Variants in CTNND2 observed in about 807,000 individuals in gnomAD.
CTNND2 encodes catenin delta-2.
A neutral mutation model predicts 144.4 loss-of-function variants in CTNND2; 22 were observed. That is an observed-to-expected ratio of 0.15 (90% CI 0.11 to 0.22). The LOEUF (loss-of-function observed/expected upper bound fraction) is 0.22. Among genes scored for constraint, CTNND2 ranks in the 10% least tolerant of loss-of-function variants. CTNND2 has a pLI of 1.00. For synonymous variants in CTNND2, 751 were observed against 695.6 expected (o/e 1.08, Z -1.25); for missense variants, 1,353 against 1,618.8 (o/e 0.84, Z 2.82).
chr5:11,146,676 T>G (rs1358567791), intron 12 of CTNND2, among the ~76,000 whole-genome samples: 1 of 152,150 alleles, frequency 6.6e-6, no homozygotes. Flanking sequence ...GATGAGGTGG[T>G]TGAGGAATTC....
At chr5:11,093,019 G>A (rs1750929378) in intron 15 of CTNND2, among the ~76,000 whole-genome samples, 1 of 152,198 alleles carries the variant, frequency 6.6e-6, no homozygotes. Context: ...CACGGCCAGA[G>A]ATTCTGTTTC....
At chr5:11,718,763 G>A (rs759149800) in intron 2 of CTNND2, among the ~76,000 whole-genome samples, 1 of 152,144 alleles carries the variant, frequency 6.6e-6, no homozygotes, top group Non-Finnish European at 1.5e-5. Context: ...ACCATCTCAT[G>A]TAATAATCTG....
intron 2 of CTNND2, among the ~76,000 whole-genome samples, chr5:11,627,214 T>C (rs1781203890): frequency 6.6e-6 from 1 of 152,194 alleles, no homozygotes; most frequent in South Asian, 2.1e-4. Flanking sequence ...CTGAGAGGGC[T>C]AGTGGTAGTG....
intron 9 of CTNND2, among the ~76,000 whole-genome samples, chr5:11,258,712 G>A (rs1744540595): frequency 6.6e-6 from 1 of 152,138 alleles, no homozygotes; most frequent in African/African-American, 2.4e-5. Context: ...GTTTTTCTGA[G>A]ATTGCAGAAT....
At chr5:11,704,571 A>G (rs1289700359) in intron 2 of CTNND2, among the ~76,000 whole-genome samples, 3 of 152,108 alleles carry the variant, frequency 2.0e-5, no homozygotes, top group Non-Finnish European at 2.9e-5. Flanking sequence ...AGCAAACATT[A>G]GTTGAGGCCA....
Position 11,294,830 on chromosome 5 carries a change from C to A in CTNND2, c.1628+51542G>T, listed in dbSNP as rs189111696. ...ATAAAGTAGGTACTGATGGACGTATCTCAAAATAATAAGAGCTATCTATGA... is the reference window on the plus strand; with the variant it reads ...ATAAAGTAGGTACTGATGGACGTATATCAAAATAATAAGAGCTATCTATGA... On this transcript the variant is annotated intron_variant, in intron 9 of 21. Transcript: ENST00000304623. Among the ~76,000 whole-genome samples, 259 of 152,256 alleles carry A rather than the reference C, an allele frequency of 1.7e-3. 1 individual carries two copies. Among genetic ancestry groups the A allele is most frequent in the African/African-American group, 6.1e-3 (252 of 41,550 alleles).
chr5:11,428,151 A>G (rs1385227474), intron 3 of CTNND2, among the ~76,000 whole-genome samples: 2 of 152,158 alleles, frequency 1.3e-5, no homozygotes, highest in African/African-American at 2.4e-5. Flanking sequence ...TCTGGGAGAC[A>G]CAATTCAAGT....
intron 1 of CTNND2, among the ~76,000 whole-genome samples, chr5:11,876,717 C>A (rs1735597123): frequency 6.6e-6 from 1 of 152,106 alleles, no homozygotes; most frequent in African/African-American, 2.4e-5. Context: ...AAAAGGTGTT[C>A]AAAGCTAGCA....
chr5:11,650,495 G>A (rs1246671653), intron 2 of CTNND2, among the ~76,000 whole-genome samples: 2 of 152,222 alleles, frequency 1.3e-5, no homozygotes, highest in African/African-American at 2.4e-5. Flanking sequence ...CTTTGGAACT[G>A]GATAATGGGC....
intron 9 of CTNND2, among the ~76,000 whole-genome samples, chr5:11,251,642 A>T (rs1743668957): frequency 6.6e-6 from 1 of 152,234 alleles, no homozygotes; most frequent in Admixed American, 6.5e-5. Flanking sequence ...GAGCAAACGA[A>T]TCGTCCTCAC....
At chr5:11,826,230 C>T (rs1289044033) in intron 1 of CTNND2, among the ~76,000 whole-genome samples, 1 of 151,970 alleles carries the variant, frequency 6.6e-6, no homozygotes, top group Non-Finnish European at 1.5e-5. Flanking sequence ...CAAAATTATA[C>T]TATTGTAACT....
At chr5:11,153,622 T>C (rs570455779) in intron 12 of CTNND2, among the ~76,000 whole-genome samples, 1 of 152,278 alleles carries the variant, frequency 6.6e-6, no homozygotes, top group South Asian at 2.1e-4. Context: ...TGGGTTAAAA[T>C]GACTAATTGA....
At chr5:11,810,630 G>C (rs10036080) in intron 1 of CTNND2, among the ~76,000 whole-genome samples, 15,174 of 152,072 alleles carry the variant, frequency 0.1, 1,791 homozygotes, top group African/African-American at 0.28. Context: ...TCATTATCTT[G>C]AAAAACAACT....
intron 9 of CTNND2, among the ~76,000 whole-genome samples, chr5:11,311,929 C>A (rs258624): frequency 0.71 from 78,492 of 111,306 alleles, 26,067 homozygotes; most frequent in African/African-American, 0.78. Context: ...TCCTCGCCCC[C>A]CACACACACT....
intron 3 of CTNND2, among the ~76,000 whole-genome samples, chr5:11,528,741 A>C (rs1357457345): frequency 1.3e-5 from 2 of 152,258 alleles, no homozygotes; most frequent in Non-Finnish European, 2.9e-5. Flanking sequence ...TACACCCTGG[A>C]GTCTGAACCA....
chr5:11,183,057 T>C (rs1318304857), intron 11 of CTNND2, among the ~76,000 whole-genome samples: 1 of 152,222 alleles, frequency 6.6e-6, no homozygotes, highest in African/African-American at 2.4e-5. Context: ...CACCTGATCA[T>C]TTCCTTCTTT....
intron 9 of CTNND2, among the ~76,000 whole-genome samples, chr5:11,336,266 G>C (rs1008900009): frequency 2.0e-5 from 3 of 152,118 alleles, no homozygotes; most frequent in African/African-American, 7.2e-5. Context: ...TAACCTGGAC[G>C]CTCTCCACTG....
At chr5:11,375,370 C>T (rs1342473825) in intron 7 of CTNND2, among the ~76,000 whole-genome samples, 5 of 152,200 alleles carry the variant, frequency 3.3e-5, no homozygotes, top group Non-Finnish European at 4.4e-5. Flanking sequence ...TATTTTACAA[C>T]TTCTCTATAT....
At chr5:11,493,565 G>T (rs1461556503) in intron 3 of CTNND2, among the ~76,000 whole-genome samples, 1 of 152,154 alleles carries the variant, frequency 6.6e-6, no homozygotes, top group Non-Finnish European at 1.5e-5. Context: ...CAAAACACAG[G>T]CAAGCACAAT....
Sources: gnomAD v4.1 joint callset for allele counts (sites outside exome capture counted in the v4.1 genomes callset) on GRCh38, gnomAD v4.1.1 for gene constraint, MANE v1.5 for transcripts, NCBI Gene and HGNC (gene_info 2026-07-23, HGNC 2026-07-21) for gene names.